The following ZHX2 variants were observed in gnomAD, a reference collection of about 807,000 sequenced individuals.
ZHX2 encodes the protein zinc fingers and homeoboxes 2.
A neutral mutation model predicts 21.9 loss-of-function variants in ZHX2; 6 were observed. That is an observed-to-expected ratio of 0.27 (90% confidence interval 0.15 to 0.54). The LOEUF is 0.54. Ranked by LOEUF, ZHX2 falls within the 20% of genes least tolerant of loss-of-function variation. ZHX2 has a pLI of 0.95. For missense variants in ZHX2, 908 were observed against 1,090.7 expected (o/e 0.83, Z 2.36); for synonymous variants, 434 against 437.1 (o/e 0.99, Z 0.09).
At chr8:122,919,368 G>T (rs1185463010) in intron 2 of ZHX2, among the ~76,000 whole-genome samples, 3 of 152,226 alleles carry the variant, frequency 2.0e-5, no homozygotes, top group African/African-American at 4.8e-5. Context: ...GAAGGGAGTG[G>T]TTCTCAGTCT....
At chr8:122,833,057 T>C (rs1818414277) in intron 1 of ZHX2, among the ~76,000 whole-genome samples, 1 of 152,088 alleles carries the variant, frequency 6.6e-6, no homozygotes, top group Non-Finnish European at 1.5e-5. Context: ...TGAGCCGACG[T>C]GAAATGTGGG....
intron 2 of ZHX2, among the ~76,000 whole-genome samples, chr8:122,869,570 T>C (rs1352765260): frequency 2.0e-5 from 3 of 152,158 alleles, no homozygotes; most frequent in Non-Finnish European, 4.4e-5. Flanking sequence ...CAACACAGGC[T>C]CCCTCAGGGA....
intron 1 of ZHX2, among the ~76,000 whole-genome samples, chr8:122,842,441 C>T (rs1164598910): frequency 6.6e-6 from 1 of 152,208 alleles, no homozygotes; most frequent in Admixed American, 6.5e-5. Context: ...CTTGGTGGCT[C>T]ACGCCTGTAA....
chr8:122,928,939 G>GTTGTTTACTGTAATTGT (rs1820918631), intron 2 of ZHX2, among the ~76,000 whole-genome samples: 2 of 152,082 alleles, frequency 1.3e-5, no homozygotes, highest in East Asian at 3.8e-4. Context: ...TTTTACTGTG[G>GTTGTTTACTGTAATTGT]TTGTTACAAT....
chr8:122,861,921 G>A (rs942839616), intron 1 of ZHX2, among the ~76,000 whole-genome samples: 3 of 152,120 alleles, frequency 2.0e-5, no homozygotes, highest in Admixed American at 6.5e-5. Context: ...TCCTCCCGCC[G>A]GATGGTTAGT....
intron 2 of ZHX2, among the ~76,000 whole-genome samples, chr8:122,943,247 G>C (rs1563596380): frequency 6.6e-6 from 1 of 151,750 alleles, no homozygotes; most frequent in Non-Finnish European, 1.5e-5. Flanking sequence ...GGGCAAAAGA[G>C]GGAAACTCCA....
At chr8:122,811,105 T>C (rs1817917980) in intron 1 of ZHX2, among the ~76,000 whole-genome samples, 1 of 152,078 alleles carries the variant, frequency 6.6e-6, no homozygotes, top group Admixed American at 6.5e-5. Flanking sequence ...TTGGGCTGAG[T>C]GCAGTGGCTT....
intron 1 of ZHX2, among the ~76,000 whole-genome samples, chr8:122,801,192 G>A (rs62523900): frequency 0.027 from 4,119 of 152,278 alleles, 85 homozygotes; most frequent in Non-Finnish European, 0.035. Flanking sequence ...TTCACAGAAA[G>A]AGACCATTTG....
intron 2 of ZHX2, among the ~76,000 whole-genome samples, chr8:122,950,698 A>G (rs1241192403): frequency 2.0e-5 from 3 of 152,148 alleles, no homozygotes; most frequent in Non-Finnish European, 4.4e-5. Context: ...ACGTGATGAA[A>G]TAATGATTTT....
chr8:122,954,700 C>T (rs1045401971), intron 3 of ZHX2, among the ~76,000 whole-genome samples: 2 of 152,188 alleles, frequency 1.3e-5, no homozygotes, highest in Non-Finnish European at 2.9e-5. Context: ...GCCCAGGGGG[C>T]AGCACCGCTG....
intron 2 of ZHX2, among the ~76,000 whole-genome samples, chr8:122,893,532 G>A (rs919806472): frequency 2.0e-5 from 3 of 151,568 alleles, no homozygotes; most frequent in Non-Finnish European, 2.9e-5. Flanking sequence ...TTAAAAAAAC[G>A]AAAAGTTTGA....
At chr8:122,805,768 G>A (rs1817810837) in intron 1 of ZHX2, among the ~76,000 whole-genome samples, 1 of 152,184 alleles carries the variant, frequency 6.6e-6, no homozygotes, top group Admixed American at 6.5e-5. Context: ...CCCAGCAGTT[G>A]TGGCTCCTCA....
intron 2 of ZHX2, among the ~76,000 whole-genome samples, chr8:122,889,901 C>T (rs1171423925): frequency 1.3e-5 from 2 of 152,126 alleles, no homozygotes; most frequent in African/African-American, 2.4e-5. Flanking sequence ...ACTGTATTTC[C>T]TCCCATTCTG....
At chr8:122,785,304 C>T (rs1022222044) in intron 1 of ZHX2, among the ~76,000 whole-genome samples, 3 of 152,142 alleles carry the variant, frequency 2.0e-5, no homozygotes, top group African/African-American at 7.2e-5. Flanking sequence ...CAGACAACAA[C>T]GGGGTGAGGG....
At chr8:122,803,376 G>A (rs372243271) in intron 1 of ZHX2, among the ~76,000 whole-genome samples, 2 of 152,210 alleles carry the variant, frequency 1.3e-5, no homozygotes, top group South Asian at 2.1e-4. Context: ...TTGCCTCTTC[G>A]GTATCAGGTC....
At chr8:122,897,063 T>A (rs1349172135) in intron 2 of ZHX2, among the ~76,000 whole-genome samples, 4 of 151,894 alleles carry the variant, frequency 2.6e-5, no homozygotes, top group Admixed American at 2.6e-4. Flanking sequence ...CCTGAATGAG[T>A]TTTTCCTTGG....
At chr8:122,791,226 A>G (rs1337436864) in intron 1 of ZHX2, among the ~76,000 whole-genome samples, 1 of 152,226 alleles carries the variant, frequency 6.6e-6, no homozygotes, top group Non-Finnish European at 1.5e-5. Flanking sequence ...TGGATGCTCC[A>G]AATATCCTCA....
intron 1 of ZHX2, among the ~76,000 whole-genome samples, chr8:122,826,083 G>A (rs919549833): frequency 6.6e-6 from 1 of 152,178 alleles, no homozygotes. Context: ...AAACACTTGA[G>A]CCTAGTGGCA....
chr8:122,937,960 G>T (rs1212008898), intron 2 of ZHX2, among the ~76,000 whole-genome samples: 1 of 23,084 alleles, frequency 4.3e-5, no homozygotes, highest in South Asian at 1.5e-3. Flanking sequence ...TTTTTGAGAC[G>T]GAGTCTGGCT....
Sources: allele counts gnomAD v4.1 joint callset (sites outside exome capture counted in the v4.1 genomes callset), GRCh38; gene constraint gnomAD v4.1.1; transcripts MANE v1.5; gene names NCBI Gene and HGNC (gene_info 2026-07-23, HGNC 2026-07-21).